NSF: variants seen among roughly 807,000 people sequenced by gnomAD.
The protein encoded by NSF is vesicle-fusing ATPase.
Under a neutral mutation model 50.3 loss-of-function variants are expected in NSF, and 14 were observed. That is an observed-to-expected ratio of 0.28 (90% CI 0.18 to 0.44). The LOEUF is 0.44. NSF is among the 20% of genes least tolerant of loss of function. NSF has a pLI of 1.00. For missense variants in NSF, 218 were observed against 504.3 expected, an observed-to-expected ratio of 0.43 and a Z score of 5.44; for synonymous variants, 109 against 175.7, an observed-to-expected ratio of 0.62 and a Z score of 3.00.
chr17:46,716,994 G>C (rs528872529), intron 15 of NSF, among the ~76,000 whole-genome samples: 1 of 151,882 alleles, frequency 6.6e-6, no homozygotes, highest in Non-Finnish European at 1.5e-5. Context: ...TTGTTTCCAG[G>C]TTTTTTTCAC....
At chr17:46,679,692 CAAAAAAA>C (rs140927640) in intron 9 of NSF, among the ~76,000 whole-genome samples, 1 of 101,522 alleles carries the variant, frequency 9.9e-6, no homozygotes, top group African/African-American at 4.2e-5. Context: ...AACTCCATGT[CAAAAAAA>C]AAAAAAAGAA....
intron 18 of NSF, among the ~76,000 whole-genome samples, chr17:46,750,343 ACT>A (rs978603193): frequency 1.3e-5 from 2 of 152,112 alleles, no homozygotes; most frequent in Admixed American, 6.5e-5. Context: ...AGGGAGCAAA[ACT>A]CTAACAACAA....
At chr17:46,731,887 A>C (rs2058952422) in intron 17 of NSF, among the ~76,000 whole-genome samples, 1 of 152,242 alleles carries the variant, frequency 6.6e-6, no homozygotes, top group African/African-American at 2.4e-5. Context: ...AACAAAATAA[A>C]AATGTGCTTT....
At chr17:46,612,294 G>T in intron 1 of NSF, among the ~76,000 whole-genome samples, 1 of 60,610 alleles carries the variant, frequency 1.6e-5, no homozygotes, top group Non-Finnish European at 2.9e-5. Flanking sequence ...TGATGGGAAT[G>T]TAAAATGATG....
At chr17:46,622,254 G>A (rs1328279551) in intron 1 of NSF, among the ~76,000 whole-genome samples, 5 of 144,274 alleles carry the variant, frequency 3.5e-5, no homozygotes, top group African/African-American at 1.4e-4. Context: ...TCAGGAGATC[G>A]AGACCAGCCT....
intron 19 of NSF, among the ~76,000 whole-genome samples, chr17:46,754,331 A>T (rs1213680165): frequency 1.4e-5 from 2 of 147,932 alleles, no homozygotes; most frequent in Non-Finnish European, 3.0e-5. Flanking sequence ...AAGAAATCTT[A>T]AAAAAAAAAG....
chr17:46,745,027 G>A (rs760469811), intron 17 of NSF, among the ~76,000 whole-genome samples: 1 of 128,634 alleles, frequency 7.8e-6, no homozygotes, highest in Admixed American at 8.7e-5. Flanking sequence ...TTCCCAAATA[G>A]GTTATCACTC....
Position 46,749,880 on chromosome 17 carries a change from A to C in NSF, c.2016A>C (p.Thr672=). Residue 672 remains threonine (T), a synonymous_variant, in exon 18 of 21, where the codon ACA becomes ACC. Coordinates refer to ENST00000398238, the MANE Select transcript of NSF (RefSeq NM_006178.4). ...STTIHVPNIA[T]GEQLLEALEL... is the part of the protein sequence containing the mutation. ...CCATCCACGTGCCCAACATTGCCAC[A>C]GGAGAGCAGCTGTTGGAAGCTTTGG... 1 of 1,614,118 alleles carries C rather than the reference A, an allele frequency of 6.2e-7. No individual in the cohort carries two copies. Among genetic ancestry groups the C allele is most frequent in the Non-Finnish European group, 8.5e-7 (1 of 1,179,992 alleles).
intron 16 of NSF, among the ~76,000 whole-genome samples, 180 bp downstream of exon 16, chr17:46,726,795 T>G (rs758876875): frequency 1.1e-4 from 16 of 152,226 alleles, no homozygotes; most frequent in Non-Finnish European, 1.9e-4. Flanking sequence ...AGTATTCATT[T>G]TAATATGCCC....
intron 16 of NSF, among the ~76,000 whole-genome samples, chr17:46,727,452 A>G (rs1453808969): frequency 2.0e-5 from 3 of 152,226 alleles, no homozygotes; most frequent in African/African-American, 7.2e-5. Context: ...CAGTGTCTGA[A>G]TAATCCCTTC....
Position 46,724,388 on chromosome 17 carries a change from A to C in NSF, c.1762-2161A>C, listed in dbSNP as rs182996798. Among the ~76,000 whole-genome samples, 8 of 152,338 alleles carry C rather than the reference A, an allele frequency of 5.3e-5. No homozygotes were observed. In the East Asian group the frequency reaches 1.2e-3, roughly 22 times the overall value. On this transcript the variant is annotated intron_variant, in intron 15 of 20. Coordinates refer to ENST00000398238, the MANE Select transcript of NSF (RefSeq NM_006178.4). ...AGTTCTGTTCATTATATTTTCTCAG[A>C]GACTCAAGCTAATAGATAATAGAGG...
Position 46,675,637 on chromosome 17 carries a change from AACAC to A in NSF, c.945+1047_945+1050del, listed in dbSNP as rs370144995. 1.1e-4 allele frequency among the ~76,000 whole-genome samples: 14 copies of A among 130,128 alleles called. No homozygotes were observed. The South Asian group carries it at 1.7e-3, about 16-fold the overall frequency. The allele number at this position is 130,128 out of a possible 152,430, so 85.4% of individuals were successfully genotyped here. ...ATTCATAGAGATTTATCATAAGGAAAACACACACACACACACACACACACACGAA... is the reference window on the plus strand; with the variant it reads ...ATTCATAGAGATTTATCATAAGGAAAACACACACACACACACACACACGAA... On this transcript the variant is annotated intron_variant, in intron 9 of 20. Coordinates refer to ENST00000398238, the MANE Select transcript of NSF (RefSeq NM_006178.4).
intron 12 of NSF, among the ~76,000 whole-genome samples, chr17:46,699,419 AC>A: frequency 6.6e-6 from 1 of 152,148 alleles, no homozygotes; most frequent in African/African-American, 2.4e-5. Flanking sequence ...ACACACACAC[AC>A]ACACACACTT....
rs1366520957 is a variant in NSF, at chr17:46,757,345, GTTAAC to G, written c.*1526_*1530del. Reference sequence around the variant, plus strand: ...TCCTCATGAAAGCAGCACACATTGTGTTAACTTATGTCTCTTGTTAAATGAGCTTA... The same window carrying G: ...TCCTCATGAAAGCAGCACACATTGTGTTATGTCTCTTGTTAAATGAGCTTA... On this transcript the variant is annotated 3_prime_UTR_variant, in exon 21 of 21. Transcript: ENST00000398238. 1 of 152,612 alleles carries G rather than the reference GTTAAC, an allele frequency of 6.6e-6. No individual in the cohort carries two copies. Among genetic ancestry groups the G allele is most frequent in the African/African-American group, 2.4e-5 (1 of 41,438 alleles). 9.5% of individuals were successfully genotyped at this position (152,612 alleles called of 1,614,324 possible).
At chr17:46,688,344 C>CTAAAAA (rs976349429) in intron 9 of NSF, among the ~76,000 whole-genome samples, 2 of 148,416 alleles carry the variant, frequency 1.3e-5, no homozygotes, top group Admixed American at 6.7e-5. Flanking sequence ...GACCTTATCT[C>CTAAAAA]TAAAAATAAA....
rs2058409832 is a variant in NSF at position 46,676,440 on chromosome 17, C to T, written c.945+1827C>T. 1.5e-5 allele frequency among the ~76,000 whole-genome samples: 2 copies of T among 137,812 alleles called. 1 individual carries two copies. Among genetic ancestry groups the T allele is most frequent in the African/African-American group, 5.9e-5 (2 of 34,134 alleles). The allele number at this position is 137,812 out of a possible 152,430, so 90.4% of individuals were successfully genotyped here. ...AGAGATGGAGTTTCTCCATGTTGGT[C>T]AGGCTGGTCTCGAGCTCCCAGCCTC... On this transcript the variant is annotated intron_variant, in intron 9 of 20. Transcript: ENST00000398238.
intron 15 of NSF, among the ~76,000 whole-genome samples, chr17:46,717,927 A>C (rs1187409255): frequency 6.6e-6 from 1 of 152,174 alleles, no homozygotes; most frequent in Non-Finnish European, 1.5e-5. Flanking sequence ...TCAGCAAGAC[A>C]ACAAAGACCC....
chr17:46,735,425 C>T (rs188210672), intron 17 of NSF, among the ~76,000 whole-genome samples: 14 of 151,632 alleles, frequency 9.2e-5, no homozygotes, highest in African/African-American at 3.1e-4. Context: ...GTTAAGAGCA[C>T]CCTTTCTGTA....
intron 8 of NSF, among the ~76,000 whole-genome samples, chr17:46,659,816 G>A (rs2058286237): frequency 7.0e-6 from 1 of 143,538 alleles, no homozygotes; most frequent in Non-Finnish European, 1.5e-5. Context: ...GCACTTCTCA[G>A]CATTGGGGCC....
Sources: allele counts gnomAD v4.1 joint callset (sites outside exome capture counted in the v4.1 genomes callset), GRCh38; gene constraint gnomAD v4.1.1; transcripts MANE v1.5; gene names NCBI Gene and HGNC (gene_info 2026-07-23, HGNC 2026-07-21).